KDM4C: variants seen among roughly 807,000 people sequenced by gnomAD.
KDM4C encodes the protein lysine demethylase 4C.
Under a neutral mutation model 129.3 loss-of-function variants are expected in KDM4C, and 81 were observed. The observed-to-expected ratio is 0.63, with a 90% CI of 0.52 to 0.75. The LOEUF (loss-of-function observed/expected upper bound fraction) is 0.75, where lower values mean the gene tolerates loss of function less well. Ranked by LOEUF, KDM4C falls within the 30% of genes least tolerant of loss-of-function variation. The pLI, the probability that KDM4C is intolerant of heterozygous loss-of-function variation, is 0.00. For synonymous variants in KDM4C, 573 were observed against 456.1 expected (o/e 1.26, Z -3.26); for missense variants, 1,457 against 1,304.0 (o/e 1.12, Z -1.81).
intron 18 of KDM4C, among the ~76,000 whole-genome samples, chr9:7,111,198 A>C (rs926534044): frequency 6.6e-6 from 1 of 152,098 alleles, no homozygotes; most frequent in Non-Finnish European, 1.5e-5. Context: ...TTCAGATATT[A>C]ACTTATTTAA....
At chr9:7,005,220 G>T (rs923221086) in intron 12 of KDM4C, among the ~76,000 whole-genome samples, 1 of 152,134 alleles carries the variant, frequency 6.6e-6, no homozygotes, top group Admixed American at 6.6e-5. Context: ...CAGATCATCT[G>T]AGGTCAGGAG....
intron 12 of KDM4C, among the ~76,000 whole-genome samples, chr9:7,007,792 A>C (rs1173305680): frequency 6.6e-6 from 1 of 152,142 alleles, no homozygotes; most frequent in Non-Finnish European, 1.5e-5. Flanking sequence ...ACCAGGGAAA[A>C]TTTAAATTAT....
chr9:6,778,505 G>T (rs1230693729), intron 1 of KDM4C, among the ~76,000 whole-genome samples: 2 of 151,102 alleles, frequency 1.3e-5, no homozygotes, highest in Middle Eastern at 6.9e-3. Context: ...GGTAGCTCAC[G>T]CCTGTAATCC....
intron 18 of KDM4C, among the ~76,000 whole-genome samples, chr9:7,109,775 G>C (rs1023556023): frequency 2.6e-5 from 4 of 152,104 alleles, no homozygotes; most frequent in African/African-American, 7.2e-5. Flanking sequence ...CCTCTTCTAG[G>C]TGACTGCTTT....
At chr9:6,795,073 C>T (rs1827465732) in intron 2 of KDM4C, among the ~76,000 whole-genome samples, 1 of 152,138 alleles carries the variant, frequency 6.6e-6, no homozygotes, top group Non-Finnish European at 1.5e-5. Context: ...GCATAAATCC[C>T]TGAGTCCTGA....
At chr9:6,863,546 C>T (rs926836624) in intron 5 of KDM4C, among the ~76,000 whole-genome samples, 2 of 152,038 alleles carry the variant, frequency 1.3e-5, no homozygotes, top group East Asian at 3.9e-4. Context: ...GCTGTAATCC[C>T]AGCACTTTGG....
chr9:6,962,513 TC>T (rs1351974402), intron 8 of KDM4C, among the ~76,000 whole-genome samples: 1 of 152,244 alleles, frequency 6.6e-6, no homozygotes, highest in Non-Finnish European at 1.5e-5. Context: ...TGAGCAATGA[TC>T]TTTTTAATCA....
chr9:6,805,638 G>A lies in KDM4C; in HGVS notation c.184G>A (p.Asp62Asn). Reference protein sequence around the residue: ...PKEWKPRQCYDDIDNLLIPAP... With the variant: ...PKEWKPRQCYNDIDNLLIPAP... ...GGAGTGGAAGCCAAGACAGTGCTAT[G>A]ATGACATTGATAATTTGCTCATTCC... Residue 62 changes from aspartate to asparagine, a missense_variant, in exon 3 of 22, where the codon GAT (aspartate) becomes AAT (asparagine). Asp to Asn is a conservative substitution (Grantham distance 23). Transcript: ENST00000381309. 1 of 1,613,920 alleles carries A rather than the reference G, an allele frequency of 6.2e-7. No homozygotes were observed. The highest frequency in any genetic ancestry group is 8.5e-7 in the Non-Finnish European group (1 of 1,179,934).
intron 8 of KDM4C, among the ~76,000 whole-genome samples, chr9:6,975,808 T>C (rs78713722): frequency 0.059 from 8,985 of 152,176 alleles, 401 homozygotes; most frequent in East Asian, 0.26. Flanking sequence ...TTGGGCGAGG[T>C]GGGTGGATCA....
At chr9:6,911,445 A>G (rs1252937890) in intron 8 of KDM4C, among the ~76,000 whole-genome samples, 1 of 152,234 alleles carries the variant, frequency 6.6e-6, no homozygotes, top group Non-Finnish European at 1.5e-5. Flanking sequence ...TGGGCTGTCA[A>G]GCTAGTTAAT....
In KDM4C at chr9:6,930,460, C is replaced by T. The variant is rs181774300; in HGVS notation, c.921+37228C>T. Among the ~76,000 whole-genome samples the T allele has an allele frequency of 6.1e-3, 920 of 150,124 alleles. 17 individuals are homozygous for T. The highest frequency in any genetic ancestry group is 0.022 in the African/African-American group (886 of 41,092). On this transcript the variant is annotated intron_variant, in intron 8 of 21. Transcript: ENST00000381309. ...ATTTAAAAATGTCTTTTGAAAAAAT[C>T]TGCATACCTTATACATAATATACAA...
At chr9:6,799,747 T>C (rs1001185099) in intron 2 of KDM4C, among the ~76,000 whole-genome samples, 2 of 151,778 alleles carry the variant, frequency 1.3e-5, no homozygotes, top group African/African-American at 4.8e-5. Context: ...TGAATAAATC[T>C]GTGTTCCATT....
intron 17 of KDM4C, among the ~76,000 whole-genome samples, chr9:7,064,303 A>G (rs985402338): frequency 6.6e-6 from 1 of 152,194 alleles, no homozygotes; most frequent in Non-Finnish European, 1.5e-5. Context: ...TTAGATTTAT[A>G]AGATTAAAGT....
intron 8 of KDM4C, among the ~76,000 whole-genome samples, chr9:6,939,976 A>ACCTT (rs1186438155): frequency 0.071 from 6,617 of 93,356 alleles, 429 homozygotes; most frequent in East Asian, 0.14. Context: ...CTACCTACCT[A>ACCTT]CCTTCCTTCC....
chr9:7,136,031 G>C (rs1282256882), intron 19 of KDM4C, among the ~76,000 whole-genome samples: 1 of 152,246 alleles, frequency 6.6e-6, no homozygotes, highest in Non-Finnish European at 1.5e-5. Context: ...TTCGGGGAAT[G>C]AAGCAATTGT....
At position 6,921,358 on chromosome 9, in the gene KDM4C, G is replaced by A. The variant is rs543509171; in HGVS notation, c.921+28126G>A. Among the ~76,000 whole-genome samples the A allele has an allele frequency of 1.1e-4, 17 of 152,286 alleles. No homozygotes were observed. The East Asian group carries it at 3.1e-3, about 28-fold the overall frequency. On this transcript the variant is annotated intron_variant, in intron 8 of 21. Coordinates refer to ENST00000381309, the MANE Select transcript of KDM4C (RefSeq NM_015061.6). ...TTGGATGTTGATGGGCTTCACAAAC[G>A]TTAACAAGCCCAGAAAGTGCTGTCA...
intron 8 of KDM4C, among the ~76,000 whole-genome samples, chr9:6,944,871 G>A (rs932069382): frequency 1.3e-5 from 2 of 151,940 alleles, no homozygotes; most frequent in Admixed American, 1.3e-4. Context: ...TACAACAAGG[G>A]GACTGGAGCA....
At chr9:7,128,855 C>G (rs1840312762) in intron 19 of KDM4C, among the ~76,000 whole-genome samples, 1 of 152,136 alleles carries the variant, frequency 6.6e-6, no homozygotes, top group Non-Finnish European at 1.5e-5. Flanking sequence ...GTCCCCTCAG[C>G]AAACACCTTG....
intron 1 of KDM4C, among the ~76,000 whole-genome samples, chr9:6,734,356 G>T (rs1053380392): frequency 6.8e-6 from 1 of 147,764 alleles, no homozygotes; most frequent in Non-Finnish European, 1.5e-5. Context: ...GTGCAATGGC[G>T]TGGTCTCAGC....
Sources: gnomAD v4.1 joint callset for allele counts (sites outside exome capture counted in the v4.1 genomes callset) on GRCh38, gnomAD v4.1.1 for gene constraint, MANE v1.5 for transcripts, NCBI Gene and HGNC (gene_info 2026-07-23, HGNC 2026-07-21) for gene names.